RNF217: variants seen among roughly 807,000 people sequenced by gnomAD.
RNF217 encodes E3 ubiquitin-protein ligase RNF217.
RNF217 carries 31 observed loss-of-function variants against 57.8 expected under a neutral mutation model. That is an observed-to-expected ratio of 0.54 (90% CI 0.40 to 0.72). The LOEUF is 0.72. RNF217 is among the 30% of genes least tolerant of loss of function. The pLI is 0.00. For missense variants in RNF217, 696 were observed against 708.3 expected, an observed-to-expected ratio of 0.98 and a Z score of 0.20; for synonymous variants, 313 against 294.0, an observed-to-expected ratio of 1.06 and a Z score of -0.66.
At chr6:124,963,634 C>A (rs892515748) in intron 1 of RNF217, among the ~76,000 whole-genome samples, 7 of 152,208 alleles carry the variant, frequency 4.6e-5, no homozygotes, top group Non-Finnish European at 7.3e-5. Context: ...CTGTGAACTT[C>A]AGGCTATGGT....
At chr6:125,038,980 C>G (rs983825490) in intron 1 of RNF217, among the ~76,000 whole-genome samples, 2 of 152,130 alleles carry the variant, frequency 1.3e-5, no homozygotes, top group Admixed American at 1.3e-4. Flanking sequence ...CTAATGCTCT[C>G]CCTCCCTCCA....
chr6:125,043,165 A>G (rs1786952121), intron 1 of RNF217, among the ~76,000 whole-genome samples: 1 of 151,994 alleles, frequency 6.6e-6, no homozygotes, highest in African/African-American at 2.4e-5. Flanking sequence ...CATCTTTAAG[A>G]GCCGTCCCAA....
chr6:125,063,683 A>G (rs1362203190), intron 3 of RNF217, among the ~76,000 whole-genome samples: 2 of 56,174 alleles, frequency 3.6e-5, no homozygotes, highest in East Asian at 6.9e-4. Context: ...TAATTATAAC[A>G]TAACAGGATT....
At chr6:125,048,293 A>C in intron 2 of RNF217, 1 of 1,311,882 alleles carries the variant, frequency 7.6e-7, no homozygotes, top group African/African-American at 1.5e-5. Context: ...ATTTTTAAAA[A>C]TTCAGTTTCC....
intron 1 of RNF217, among the ~76,000 whole-genome samples, chr6:125,008,510 CCA>C (rs772717510): frequency 4.6e-5 from 7 of 152,106 alleles, no homozygotes; most frequent in Non-Finnish European, 1.0e-4. Context: ...TCAGCACAGT[CCA>C]GGCCTTGGTT....
intron 1 of RNF217, among the ~76,000 whole-genome samples, chr6:125,030,424 A>T (rs932172358): frequency 6.6e-6 from 1 of 152,164 alleles, no homozygotes; most frequent in Non-Finnish European, 1.5e-5. Flanking sequence ...CCTTCCTCCT[A>T]AGAGTCTGTA....
chr6:125,058,225 T>G, intron 3 of RNF217, 119 bp downstream of exon 3: 1 of 828,092 alleles, frequency 1.2e-6, no homozygotes, highest in East Asian at 3.2e-5. Flanking sequence ...AAAAGAGTAT[T>G]GCTCTTTTAT....
At chr6:125,013,187 T>C (rs1785472890) in intron 1 of RNF217, among the ~76,000 whole-genome samples, 1 of 152,142 alleles carries the variant, frequency 6.6e-6, no homozygotes, top group Non-Finnish European at 1.5e-5. Flanking sequence ...AATGAGTCCC[T>C]GTTTTTTGGA....
In RNF217 at chr6:125,045,434, G is replaced by A; in HGVS notation, c.1106G>A (p.Ser369Asn). The change falls in exon 2 of 6, where the codon AGC becomes AAC. Residue 369 changes from serine (S) to asparagine (N), a missense_variant. Ser to Asn is a conservative substitution (Grantham distance 46). Around this residue, in one of 2 missense-constraint regions of RNF217, gnomAD observed 231 missense variants for 321.4 expected, o/e 0.72. Coordinates refer to ENST00000521654, the MANE Select transcript of RNF217 (RefSeq NM_001286398.3). ...ATTCCCACCCCTTCCAGATCAGAAA[G>A]CAAATACAAAGTAAGCATTTTCACC... ...GHIPTPSRSE[S>N]KYKIQCPTCQ... 2 of 1,611,388 alleles carry A rather than the reference G, an allele frequency of 1.2e-6. No individual in the cohort carries two copies. The highest frequency in any genetic ancestry group is 2.2e-5 in the South Asian group (2 of 90,850).
chr6:124,973,631 A>G (rs1434749562), intron 1 of RNF217, among the ~76,000 whole-genome samples: 1 of 152,204 alleles, frequency 6.6e-6, no homozygotes, highest in Non-Finnish European at 1.5e-5. Flanking sequence ...TTATTCCACA[A>G]TTCATTTATT....
chr6:125,032,225 A>G (rs756416865), intron 1 of RNF217, among the ~76,000 whole-genome samples: 5 of 152,180 alleles, frequency 3.3e-5, no homozygotes, highest in East Asian at 1.9e-4. Context: ...ACTACACAGT[A>G]AAGAGGGTTA....
intron 1 of RNF217, among the ~76,000 whole-genome samples, chr6:125,018,388 A>G (rs1260877725): frequency 6.6e-6 from 1 of 152,198 alleles, no homozygotes; most frequent in Non-Finnish European, 1.5e-5. Flanking sequence ...TAGTTTTGCA[A>G]CAGAATGATC....
intron 1 of RNF217, among the ~76,000 whole-genome samples, chr6:125,028,950 T>C (rs911800866): frequency 1.3e-5 from 2 of 152,156 alleles, no homozygotes; most frequent in African/African-American, 4.8e-5. Flanking sequence ...TCTATCTCAG[T>C]TGTAACATGT....
rs145579559 is a variant in RNF217, at chr6:125,036,129, G to A, written c.883-9082G>A. On this transcript the variant is annotated intron_variant, in intron 1 of 5. Transcript: ENST00000521654. ...GTGTGATGTTCCCCTCCCTGTGTCC[G>A]TGTGTTCTAATCGTTCGACTCCCAC... 6.6e-3 allele frequency among the ~76,000 whole-genome samples: 999 copies of A among 151,852 alleles called. 12 individuals are homozygous for A. Among genetic ancestry groups the A allele is most frequent in the African/African-American group, 0.023 (947 of 41,388 alleles).
chr6:125,054,164 A>G (rs569799324), intron 2 of RNF217, among the ~76,000 whole-genome samples: 1 of 152,288 alleles, frequency 6.6e-6, no homozygotes, highest in South Asian at 2.1e-4. Flanking sequence ...TGGAAGTTCC[A>G]TAAGAAAGGT....
rs1192456265 is a variant in RNF217, at chr6:125,083,675, G to A, written c.*738G>A. ...ATTGAAAGATGATGGCTCCTTTGTG[G>A]ACATAATTTAGCAATGTATTAAATT... On this transcript the variant is annotated 3_prime_UTR_variant, in exon 6 of 6. Transcript: ENST00000521654. The A allele has an allele frequency of 1.3e-5, 2 of 151,916 alleles. No individual in the cohort carries two copies. Among genetic ancestry groups the A allele is most frequent in the Non-Finnish European group, 2.9e-5 (2 of 67,966 alleles). 9.4% of individuals were successfully genotyped at this position (151,916 alleles called of 1,614,324 possible). A position where few individuals can be genotyped will look rare whatever the true frequency, so the allele number is the denominator to read the frequency against.
intron 1 of RNF217, among the ~76,000 whole-genome samples, chr6:125,007,814 G>A (rs1284096401): frequency 6.6e-6 from 1 of 151,966 alleles, no homozygotes; most frequent in Non-Finnish European, 1.5e-5. Flanking sequence ...GACTCCCAGT[G>A]GATACCTAAA....
At chr6:124,968,564 C>T (rs562488053) in intron 1 of RNF217, among the ~76,000 whole-genome samples, 5 of 152,252 alleles carry the variant, frequency 3.3e-5, no homozygotes, top group South Asian at 2.1e-4. Context: ...GGACTTTTTC[C>T]GAGGCATGCT....
chr6:125,042,070 A>G (rs187405145), intron 1 of RNF217, among the ~76,000 whole-genome samples: 251 of 152,262 alleles, frequency 1.6e-3, no homozygotes, highest in Non-Finnish European at 2.1e-3. Context: ...ACTTCACTTA[A>G]TCATAATTAG....
Sources: gnomAD v4.1 joint callset for allele counts (sites outside exome capture counted in the v4.1 genomes callset) on GRCh38, gnomAD v4.1.1 for gene constraint, gnomAD v4.1.1 regional missense constraint, MANE v1.5 for transcripts, NCBI Gene and HGNC (gene_info 2026-07-23, HGNC 2026-07-21) for gene names.